CPED1: variants seen among roughly 807,000 people sequenced by gnomAD.
CPED1 encodes the protein cadherin-like and PC-esterase domain-containing protein 1.
Under a neutral mutation model 128.2 loss-of-function variants are expected in CPED1, and 114 were observed. That is an observed-to-expected ratio of 0.89 (90% CI 0.76 to 1.04). The LOEUF (loss-of-function observed/expected upper bound fraction) is 1.04, where lower values mean the gene tolerates loss of function less well. Among genes scored for constraint, CPED1 ranks in the 50% least tolerant of loss-of-function variants. The probability of loss-of-function intolerance (pLI) is 0.00; values close to 1 mark genes in which losing one functional copy is unlikely to be tolerated. For synonymous variants in CPED1, 462 were observed against 426.7 expected (o/e 1.08, Z -1.02); for missense variants, 1,211 against 1,207.1 (o/e 1.00, Z -0.05).
At chr7:121,049,788 G>C (rs758828263) in intron 4 of CPED1, among the ~76,000 whole-genome samples, 3 of 152,094 alleles carry the variant, frequency 2.0e-5, no homozygotes, top group Non-Finnish European at 4.4e-5. Context: ...AGTCCTCTTT[G>C]CCTCAGTGAT....
intron 16 of CPED1, among the ~76,000 whole-genome samples, chr7:121,179,328 A>G (rs1158539206): frequency 6.6e-6 from 1 of 152,092 alleles, no homozygotes; most frequent in African/African-American, 2.4e-5. Context: ...TGAATGAAAT[A>G]CAGAGTGATG....
chr7:121,130,154 G>GCAA lies in CPED1; in HGVS notation c.1437_1438insCAA (p.Gln479dup). ...TCCCATCTACTACTCCTGGGATTCAGTCACTGATGCATGAATTTTATGATG... is the reference window on the plus strand; with the variant it reads ...TCCCATCTACTACTCCTGGGATTCAGCAATCACTGATGCATGAATTTTATGATG... On this transcript the variant is annotated inframe_insertion, in exon 12 of 23. Coordinates refer to ENST00000310396, the MANE Select transcript of CPED1 (RefSeq NM_024913.5). The GCAA allele has an allele frequency of 6.2e-7, 1 of 1,612,814 alleles. No individual in the cohort carries two copies. Among genetic ancestry groups the GCAA allele is most frequent in the South Asian group, 1.1e-5 (1 of 91,044 alleles).
intron 18 of CPED1, among the ~76,000 whole-genome samples, chr7:121,248,418 A>G (rs776441855): frequency 2.0e-5 from 3 of 152,086 alleles, no homozygotes; most frequent in Non-Finnish European, 2.9e-5. Context: ...TAATGAGAGG[A>G]GGTGACCTCT....
At chr7:121,248,244 G>A (rs907111127) in intron 18 of CPED1, among the ~76,000 whole-genome samples, 6 of 152,166 alleles carry the variant, frequency 3.9e-5, no homozygotes, top group Admixed American at 6.5e-5. Context: ...TGGAACAGGA[G>A]CAAGCCATGC....
intron 16 of CPED1, among the ~76,000 whole-genome samples, chr7:121,201,342 G>T (rs1797392186): frequency 6.6e-6 from 1 of 152,096 alleles, no homozygotes; most frequent in Non-Finnish European, 1.5e-5. Context: ...TGAGGTAGGA[G>T]AATTGCTTGG....
At chr7:121,264,890 A>G (rs1056936418) in intron 18 of CPED1, among the ~76,000 whole-genome samples, 1 of 152,106 alleles carries the variant, frequency 6.6e-6, no homozygotes, top group African/African-American at 2.4e-5. Flanking sequence ...AACTAGAATT[A>G]GAAATTGACC....
chr7:121,279,168 A>G (rs1399842314), intron 22 of CPED1, among the ~76,000 whole-genome samples: 1 of 152,144 alleles, frequency 6.6e-6, no homozygotes, highest in Non-Finnish European at 1.5e-5. Context: ...ATATTAAATA[A>G]TCCCAAAAGT....
At chr7:121,059,647 T>A (rs1793599726) in intron 4 of CPED1, among the ~76,000 whole-genome samples, 1 of 151,906 alleles carries the variant, frequency 6.6e-6, no homozygotes, top group Non-Finnish European at 1.5e-5. Context: ...GTAGTTTTAG[T>A]TTTTTAATTT....
rs186221456 is a variant in CPED1 at position 121,149,219 on chromosome 7, C to A, written c.2055+7078C>A. 2.1e-4 allele frequency among the ~76,000 whole-genome samples: 32 copies of A among 152,302 alleles called. No individual in the cohort carries two copies. The East Asian group carries it at 5.6e-3, about 27-fold the overall frequency. ...GGAAGTGAAATGTTATTTTCCTGAG[C>A]AGCAGGTGCACGGAGACATTTTGAA... On this transcript the variant is annotated intron_variant, in intron 16 of 22. Transcript: ENST00000310396.
At chr7:120,989,172 T>C (rs2525738) in intron 1 of CPED1, 36,514 of 167,636 alleles carry the variant, frequency 0.22, 4,248 homozygotes, top group African/African-American at 0.27. Context: ...GCACTTTGGG[T>C]TTTAATCTTT....
In CPED1 at chr7:121,000,344, C is replaced by G. The variant is rs1459124342; in HGVS notation, c.249+10474C>G. On this transcript the variant is annotated intron_variant, in intron 2 of 22. Coordinates refer to ENST00000310396, the MANE Select transcript of CPED1 (RefSeq NM_024913.5). Reference sequence around the variant, plus strand: ...GACTTGTTCAAAATGTAACATTAAGCATTTTGACTTACCACATATGGAGTT... The same window carrying G: ...GACTTGTTCAAAATGTAACATTAAGGATTTTGACTTACCACATATGGAGTT... Among the ~76,000 whole-genome samples, 3 of 152,106 alleles carry G rather than the reference C, an allele frequency of 2.0e-5. No individual in the cohort carries two copies. In the East Asian group the frequency reaches 5.8e-4, roughly 29 times the overall value.
intron 7 of CPED1, among the ~76,000 whole-genome samples, chr7:121,120,530 C>G (rs1795358020): frequency 6.6e-6 from 1 of 152,114 alleles, no homozygotes; most frequent in African/African-American, 2.4e-5. Context: ...ATAGTAACAT[C>G]AAGAGAAACC....
intron 18 of CPED1, 152 bp downstream of exon 18, chr7:121,244,490 G>A (rs1409297642): frequency 5.2e-6 from 4 of 766,078 alleles, no homozygotes; most frequent in South Asian, 3.7e-5. Context: ...ATGTATAGAT[G>A]TTATCATAGA....
At chr7:121,229,499 T>G (rs1007862721) in intron 16 of CPED1, among the ~76,000 whole-genome samples, 1 of 115,456 alleles carries the variant, frequency 8.7e-6, no homozygotes, top group African/African-American at 2.5e-5. Flanking sequence ...TAGATTGATT[T>G]TCGTAGTAGA....
At chr7:121,171,282 C>T (rs542051813) in intron 16 of CPED1, among the ~76,000 whole-genome samples, 51 of 152,178 alleles carry the variant, frequency 3.4e-4, no homozygotes, top group African/African-American at 1.1e-3. Context: ...GCCTTTAATA[C>T]GCTTTTACAT....
At chr7:121,172,382 GT>G (rs59530723) in intron 16 of CPED1, among the ~76,000 whole-genome samples, 15,161 of 141,802 alleles carry the variant, frequency 0.11, 1,239 homozygotes, top group African/African-American at 0.23. Flanking sequence ...AAATACTCTT[GT>G]TTTTTTTTTT....
chr7:121,055,606 A>AT (rs1793476288), intron 4 of CPED1, among the ~76,000 whole-genome samples: 1 of 150,218 alleles, frequency 6.7e-6, no homozygotes, highest in Non-Finnish European at 1.5e-5. Context: ...ATTATGATAT[A>AT]ATTATACATA....
chr7:121,215,614 G>T (rs1489689053), intron 16 of CPED1, among the ~76,000 whole-genome samples: 1 of 152,014 alleles, frequency 6.6e-6, no homozygotes, highest in Non-Finnish European at 1.5e-5. Context: ...TTTAATAAAT[G>T]TATTAGTTGA....
chr7:121,289,709 G>C (rs567028832), intron 22 of CPED1, among the ~76,000 whole-genome samples: 5 of 151,924 alleles, frequency 3.3e-5, no homozygotes, highest in African/African-American at 7.3e-5. Context: ...ACTTTCATTA[G>C]TCATTGATAA....
Sources: gnomAD v4.1 joint callset for allele counts (sites outside exome capture counted in the v4.1 genomes callset) on GRCh38, gnomAD v4.1.1 for gene constraint, MANE v1.5 for transcripts, NCBI Gene and HGNC (gene_info 2026-07-23, HGNC 2026-07-21) for gene names.